Variants in ALPK2 observed in about 807,000 individuals in gnomAD.
ALPK2 encodes alpha-protein kinase 2.
Under a neutral mutation model 163.1 loss-of-function variants are expected in ALPK2, and 127 were observed. The ratio of observed to expected loss-of-function variants is 0.78; its 90% CI spans 0.67 to 0.90. The LOEUF is 0.90. ALPK2 is among the 40% of genes least tolerant of loss of function. The pLI is 0.00. For missense variants in ALPK2, 2,360 were observed against 2,589.6 expected (o/e 0.91, Z 1.92); for synonymous variants, 953 against 959.1 (o/e 0.99, Z 0.12).
intron 1 of ALPK2, among the ~76,000 whole-genome samples, chr18:58,621,455 TAG>T (rs2052198655): frequency 6.6e-6 from 1 of 152,100 alleles, no homozygotes; most frequent in Non-Finnish European, 1.5e-5. Context: ...GTATTTTTAG[TAG>T]AGACAGGGTT....
At chr18:58,595,501 C>T (rs1254824414) in intron 3 of ALPK2, among the ~76,000 whole-genome samples, 4 of 152,212 alleles carry the variant, frequency 2.6e-5, no homozygotes, top group African/African-American at 9.6e-5. Flanking sequence ...CAGTGATTAA[C>T]ATAATGGACT....
chr18:58,517,834 AT>A (rs1207549814), intron 8 of ALPK2, among the ~76,000 whole-genome samples: 1 of 152,274 alleles, frequency 6.6e-6, no homozygotes, highest in African/African-American at 2.4e-5. Flanking sequence ...AAACAAAAAA[AT>A]AATAAAAAGA....
At chr18:58,492,141 C>T (rs915122677) in intron 12 of ALPK2, among the ~76,000 whole-genome samples, 2 of 127,584 alleles carry the variant, frequency 1.6e-5, no homozygotes, top group African/African-American at 5.7e-5. Flanking sequence ...GGCAAGGTCT[C>T]TTTAGACACA....
chr18:58,539,210 C>A (rs2051676658), intron 4 of ALPK2, among the ~76,000 whole-genome samples: 1 of 152,196 alleles, frequency 6.6e-6, no homozygotes, highest in Admixed American at 6.5e-5. Flanking sequence ...CCAATCATTT[C>A]TTTCCTAGAG....
chr18:58,602,629 G>A (rs778924984), intron 3 of ALPK2, among the ~76,000 whole-genome samples: 11 of 152,026 alleles, frequency 7.2e-5, no homozygotes, highest in Non-Finnish European at 1.3e-4. Context: ...ATTGAATTAG[G>A]ACCCACCCTG....
At chr18:58,528,062 A>G (rs902764905) in intron 6 of ALPK2, among the ~76,000 whole-genome samples, 18 of 152,200 alleles carry the variant, frequency 1.2e-4, no homozygotes, top group African/African-American at 4.1e-4. Context: ...GAACCAGGTG[A>G]TTTGTTTCTA....
chr18:58,524,124 T>C, intron 6 of ALPK2, 62 bp from the exon 7 acceptor site: 1 of 1,558,138 alleles, frequency 6.4e-7, no homozygotes, highest in South Asian at 1.2e-5. Flanking sequence ...TTTTTCCTAA[T>C]ATACTTAAGG....
At chr18:58,549,688 G>C (rs2051739686) in intron 4 of ALPK2, among the ~76,000 whole-genome samples, 1 of 152,184 alleles carries the variant, frequency 6.6e-6, no homozygotes, top group Non-Finnish European at 1.5e-5. Flanking sequence ...TCAGGGATGT[G>C]GGAGATGAGT....
At chr18:58,513,966 T>TG (rs1244590773) in intron 10 of ALPK2, among the ~76,000 whole-genome samples, 1 of 152,200 alleles carries the variant, frequency 6.6e-6, no homozygotes, top group Non-Finnish European at 1.5e-5. Flanking sequence ...GAGGGCACTG[T>TG]GGTTCTGTGT....
In ALPK2 at chr18:58,537,426, G is replaced by A. The variant is rs769320806; in HGVS notation, c.2761C>T (p.Leu921=). The A allele has an allele frequency of 6.2e-7, 1 of 1,613,420 alleles. No homozygotes were observed. The highest frequency in any genetic ancestry group is 8.5e-7 in the Non-Finnish European group (1 of 1,179,490). Reference sequence around the variant, plus strand: ...TGGCCAGCATGTACTGTGGAGGCCAGTGGGTAGGTGGAATTCTCCACCTTG... The same window carrying A: ...TGGCCAGCATGTACTGTGGAGGCCAATGGGTAGGTGGAATTCTCCACCTTG... ...LAKVENSTYP[L]ASTVHAGQEQ... is the part of the protein sequence containing the mutation. The change falls in exon 5 of 13, where the codon CTG becomes TTG. Residue 921 remains leucine (L), a synonymous_variant. Transcript: ENST00000361673.
intron 4 of ALPK2, among the ~76,000 whole-genome samples, chr18:58,569,579 G>A (rs1422853145): frequency 6.6e-6 from 1 of 152,092 alleles, no homozygotes; most frequent in Non-Finnish European, 1.5e-5. Flanking sequence ...CTGGTCCGCG[G>A]ACTACACCAA....
chr18:58,622,516 G>A (rs2052207246), intron 1 of ALPK2, among the ~76,000 whole-genome samples: 1 of 152,184 alleles, frequency 6.6e-6, no homozygotes, highest in African/African-American at 2.4e-5. Flanking sequence ...GATTTTCCAT[G>A]TACTGCATTG....
chr18:58,596,585 G>A (rs2052042505), intron 3 of ALPK2, among the ~76,000 whole-genome samples: 1 of 152,228 alleles, frequency 6.6e-6, no homozygotes, highest in Admixed American at 6.5e-5. Flanking sequence ...ACTGACAACA[G>A]GGCCTTCTCC....
chr18:58,580,000 G>C lies in ALPK2; in HGVS notation c.776C>G (p.Ser259Cys), dbSNP rs1265025692. 2 of 1,614,124 alleles carry C rather than the reference G, an allele frequency of 1.2e-6. No individual in the cohort carries two copies. Among genetic ancestry groups the C allele is most frequent in the African/African-American group, 2.7e-5 (2 of 74,954 alleles). The change falls in exon 4 of 13, where the codon TCT becomes TGT. Residue 259 changes from serine to cysteine, a missense_variant. By Grantham distance (112) the Ser-to-Cys change is moderately radical. Coordinates refer to ENST00000361673, the MANE Select transcript of ALPK2 (RefSeq NM_052947.4). ...CTGTACTTTGGGATTTTGCTGACTA[G>C]AGCGTAAGCCTTCATCATGAGGACC... ...NDGPHDEGLRSSQQNPKVQKY... is the reference protein window; with the variant it reads ...NDGPHDEGLRCSQQNPKVQKY...
rs1471987455 is a variant in ALPK2 at position 58,579,667 on chromosome 18, C to A, written c.1109G>T (p.Cys370Phe). The change falls in exon 4 of 13, where the codon TGC becomes TTC. Residue 370 changes from cysteine to phenylalanine, a missense_variant. Physicochemically the swap from Cys to Phe is radical, Grantham distance 205 (BLOSUM62 -2). Coordinates refer to ENST00000361673, the MANE Select transcript of ALPK2 (RefSeq NM_052947.4). Reference protein sequence around the residue: ...DDEEMEFGEHCLGGCEHFLSG... With the variant: ...DDEEMEFGEHFLGGCEHFLSG... ...GAGGAAATGCTCACACCCACCCAGGCAATGCTCACCGAATTCCATCTCTTC... is the reference window on the plus strand; with the variant it reads ...GAGGAAATGCTCACACCCACCCAGGAAATGCTCACCGAATTCCATCTCTTC... 3.7e-6 allele frequency: 6 copies of A among 1,614,104 alleles called. No individual in the cohort carries two copies. In the African/African-American group the frequency reaches 4.0e-5, roughly 11 times the overall value.
rs200945723 is a variant in ALPK2 at position 58,505,384 on chromosome 18, C to CT, written c.6030-1237dup. ...GCAGACTGAAGGTTTAGGAGGACCTCTAAGTGCTGCCACAAGCACATCCAT... is the reference window on the plus strand; with the variant it reads ...GCAGACTGAAGGTTTAGGAGGACCTCTTAAGTGCTGCCACAAGCACATCCAT... On this transcript the variant is annotated intron_variant, in intron 10 of 12. Transcript: ENST00000361673. 1.1e-3 allele frequency among the ~76,000 whole-genome samples: 166 copies of CT among 152,208 alleles called. 1 individual carries two copies. In the East Asian group the frequency reaches 0.03, roughly 27 times the overall value.
chr18:58,613,128 T>A (rs75801015), intron 1 of ALPK2, among the ~76,000 whole-genome samples: 4,086 of 152,296 alleles, frequency 0.027, 72 homozygotes, highest in East Asian at 0.073. Flanking sequence ...TCCCTATTTC[T>A]TCCCACTTTT....
chr18:58,482,002 T>G lies in ALPK2; in HGVS notation c.6334A>C (p.Ile2112Leu), dbSNP rs756543711. ...TGGTGTAGTGCTTTAAACTGATCAA[T>G]GAAGGTCATGGAACAGTTGCCTTTA... ...GFKGNCSMTF[I>L]DQFKALHQCN... Residue 2112 changes from isoleucine to leucine, a missense_variant, in exon 13 of 13, where the codon ATT becomes CTT. Ile to Leu is a conservative substitution (Grantham distance 5). Coordinates refer to ENST00000361673, the MANE Select transcript of ALPK2 (RefSeq NM_052947.4). The G allele has an allele frequency of 6.2e-7, 1 of 1,614,092 alleles. No homozygotes were observed. Among genetic ancestry groups the G allele is most frequent in the African/African-American group, 1.3e-5 (1 of 74,928 alleles).
chr18:58,545,920 C>G (rs906626219), intron 4 of ALPK2, among the ~76,000 whole-genome samples: 1 of 152,198 alleles, frequency 6.6e-6, no homozygotes, highest in Non-Finnish European at 1.5e-5. Context: ...GCTGTCACAA[C>G]AGGCAGAGCG....
Sources: gnomAD v4.1 joint callset for allele counts (sites outside exome capture counted in the v4.1 genomes callset) on GRCh38, gnomAD v4.1.1 for gene constraint, MANE v1.5 for transcripts, NCBI Gene and HGNC (gene_info 2026-07-23, HGNC 2026-07-21) for gene names.